The following SPOCK1 variants were observed in gnomAD, a reference collection of about 807,000 sequenced individuals.
SPOCK1 encodes the protein SPARC (osteonectin), cwcv and kazal like domains proteoglycan 1, also known as testican-1.
SPOCK1 carries 23 observed loss-of-function variants against 55.3 expected under a neutral mutation model. The observed-to-expected ratio is 0.42, with a 90% CI of 0.30 to 0.59. The LOEUF is 0.59. Ranked by LOEUF, SPOCK1 falls within the 20% of genes least tolerant of loss-of-function variation. The pLI is 0.22. For synonymous variants in SPOCK1, 226 were observed against 221.0 expected (o/e 1.02, Z -0.20); for missense variants, 499 against 552.5 (o/e 0.90, Z 0.97).
At chr5:137,266,142 T>C (rs1756845837) in intron 3 of SPOCK1, among the ~76,000 whole-genome samples, 1 of 152,210 alleles carries the variant, frequency 6.6e-6, no homozygotes, top group African/African-American at 2.4e-5. Context: ...CACATGTCAA[T>C]GCCTCCCTCG....
intron 3 of SPOCK1, among the ~76,000 whole-genome samples, chr5:137,236,251 G>A (rs1246092029): frequency 6.6e-6 from 1 of 152,242 alleles, no homozygotes; most frequent in Non-Finnish European, 1.5e-5. Context: ...GAGGCCATGG[G>A]GCAGTGGTTT....
At chr5:137,339,621 TTTTTTTTTCAATCAG>T (rs945508890) in intron 2 of SPOCK1, among the ~76,000 whole-genome samples, 2 of 151,246 alleles carry the variant, frequency 1.3e-5, no homozygotes, top group African/African-American at 4.9e-5. Flanking sequence ...TTAAAGCTCC[TTTTTTTTTCAATCAG>T]TTTTTTTTCA....
chr5:137,055,666 C>T lies in SPOCK1; in HGVS notation c.589+12049G>A, dbSNP rs193147302. On this transcript the variant is annotated intron_variant, in intron 6 of 10. Transcript: ENST00000394945. Reference sequence around the variant, plus strand: ...AATGTTCTGTGTTCTCACAAGGGCACAAGGAAACACTAAACAGAATGTTCT... The same window carrying T: ...AATGTTCTGTGTTCTCACAAGGGCATAAGGAAACACTAAACAGAATGTTCT... Among the ~76,000 whole-genome samples the T allele has an allele frequency of 4.6e-5, 7 of 152,326 alleles. No homozygotes were observed. The East Asian group carries it at 1.3e-3, about 29-fold the overall frequency.
intron 2 of SPOCK1, among the ~76,000 whole-genome samples, chr5:137,354,691 CTTTG>C (rs760939735): frequency 4.6e-5 from 7 of 152,150 alleles, no homozygotes; most frequent in African/African-American, 1.7e-4. Flanking sequence ...GTGTCAGGTA[CTTTG>C]TTTGTTGACT....
intron 3 of SPOCK1, among the ~76,000 whole-genome samples, chr5:137,238,638 C>T (rs979472769): frequency 3.9e-4 from 60 of 152,236 alleles, no homozygotes; most frequent in African/African-American, 1.3e-3. Flanking sequence ...ATAGAGCTCA[C>T]GTAAAATCAT....
At chr5:137,252,724 T>G (rs952056165) in intron 3 of SPOCK1, among the ~76,000 whole-genome samples, 1 of 152,232 alleles carries the variant, frequency 6.6e-6, no homozygotes, top group Non-Finnish European at 1.5e-5. Flanking sequence ...GTTCTAAAAA[T>G]GTAAGAAGTT....
Position 137,157,784 on chromosome 5 carries a change from G to T in SPOCK1, c.233-17090C>A, listed in dbSNP as rs187262923. ...GTTTAAAACTTGCATATGGGGCCAG[G>T]CACAGTGGCTTACACCTGCAATCCC... is the stretch of plus-strand genomic sequence containing the variant. On this transcript the variant is annotated intron_variant, in intron 3 of 10. Coordinates refer to ENST00000394945, the MANE Select transcript of SPOCK1 (RefSeq NM_004598.4). Among the ~76,000 whole-genome samples the T allele has an allele frequency of 1.4e-4, 22 of 152,350 alleles. No individual in the cohort carries two copies. In the East Asian group the frequency reaches 4.2e-3, roughly 29 times the overall value.
At chr5:137,406,743 A>G (rs935819898) in intron 2 of SPOCK1, among the ~76,000 whole-genome samples, 22 of 152,234 alleles carry the variant, frequency 1.4e-4, no homozygotes, top group African/African-American at 4.3e-4. Context: ...TTTAAATCCC[A>G]GCTCCTCTAC....
At chr5:137,132,025 A>AT (rs1753895798) in intron 4 of SPOCK1, among the ~76,000 whole-genome samples, 1 of 105,896 alleles carries the variant, frequency 9.4e-6, no homozygotes, top group African/African-American at 3.8e-5. Context: ...TATATAAAAA[A>AT]TTAGCTGGGC....
At chr5:137,098,198 C>T (rs1027066519) in intron 5 of SPOCK1, among the ~76,000 whole-genome samples, 9 of 127,704 alleles carry the variant, frequency 7.0e-5, no homozygotes, top group African/African-American at 2.9e-4. Flanking sequence ...GACAAGGAAA[C>T]TGGAGAGCAT....
At chr5:137,062,863 G>A (rs1752419585) in intron 6 of SPOCK1, among the ~76,000 whole-genome samples, 1 of 152,090 alleles carries the variant, frequency 6.6e-6, no homozygotes, top group Non-Finnish European at 1.5e-5. Flanking sequence ...CTTGAGGCTG[G>A]ACTGGCTTTA....
chr5:137,119,370 C>T (rs1453986953), intron 4 of SPOCK1, among the ~76,000 whole-genome samples: 1 of 152,144 alleles, frequency 6.6e-6, no homozygotes, highest in East Asian at 1.9e-4. Flanking sequence ...AACATGTTAA[C>T]CATTGAAATA....
intron 2 of SPOCK1, among the ~76,000 whole-genome samples, chr5:137,356,254 A>AT (rs1015962978): frequency 6.6e-6 from 1 of 152,210 alleles, no homozygotes; most frequent in African/African-American, 2.4e-5. Context: ...AAGCCCACTT[A>AT]TTACTAAGTT....
At chr5:137,109,748 T>C (rs1362894181) in intron 5 of SPOCK1, among the ~76,000 whole-genome samples, 1 of 152,138 alleles carries the variant, frequency 6.6e-6, no homozygotes, top group East Asian at 1.9e-4. Context: ...CTATTTTCTC[T>C]ATCTGGAACA....
intron 2 of SPOCK1, among the ~76,000 whole-genome samples, chr5:137,343,133 A>G (rs888587971): frequency 6.6e-6 from 1 of 152,230 alleles, no homozygotes; most frequent in African/African-American, 2.4e-5. Flanking sequence ...CCACTCCCAC[A>G]GGTGTCAGAG....
At chr5:137,038,259 G>A (rs890125500) in intron 6 of SPOCK1, among the ~76,000 whole-genome samples, 1 of 152,186 alleles carries the variant, frequency 6.6e-6, no homozygotes, top group Non-Finnish European at 1.5e-5. Flanking sequence ...TGTCTTAGGG[G>A]AAACCAGACC....
At chr5:137,233,214 T>C (rs1327834798) in intron 3 of SPOCK1, among the ~76,000 whole-genome samples, 1 of 152,252 alleles carries the variant, frequency 6.6e-6, no homozygotes, top group African/African-American at 2.4e-5. Context: ...ACTTTATTTC[T>C]ATTATTACAT....
chr5:137,185,288 C>T (rs891804245), intron 3 of SPOCK1, among the ~76,000 whole-genome samples: 1 of 152,158 alleles, frequency 6.6e-6, no homozygotes, highest in Non-Finnish European at 1.5e-5. Context: ...ACACAGGTTA[C>T]ACTCCATTCA....
At chr5:137,088,835 G>A (rs1317579205) in intron 5 of SPOCK1, among the ~76,000 whole-genome samples, 1 of 152,176 alleles carries the variant, frequency 6.6e-6, no homozygotes, top group Non-Finnish European at 1.5e-5. Flanking sequence ...AATCTTCCAG[G>A]TGGATGTGCA....
Sources: gnomAD v4.1 joint callset for allele counts (sites outside exome capture counted in the v4.1 genomes callset) on GRCh38, gnomAD v4.1.1 for gene constraint, MANE v1.5 for transcripts, NCBI Gene and HGNC (gene_info 2026-07-23, HGNC 2026-07-21) for gene names.